Variants in FGF18 observed in about 807,000 individuals in gnomAD.
FGF18 encodes the protein fibroblast growth factor 18.
Under a neutral mutation model 23.0 loss-of-function variants are expected in FGF18, and 5 were observed. The observed-to-expected ratio is 0.22, with a 90% CI of 0.11 to 0.46. The LOEUF (loss-of-function observed/expected upper bound fraction) is 0.46. Among genes scored for constraint, FGF18 ranks in the 20% least tolerant of loss-of-function variants. The pLI is 0.99. For missense variants in FGF18, 180 were observed against 291.6 expected (o/e 0.62, Z 2.79); for synonymous variants, 117 against 118.9 (o/e 0.98, Z 0.10).
chr5:171,449,348 T>G, intron 4 of FGF18, 95 bp downstream of exon 4: 1 of 707,184 alleles, frequency 1.4e-6, no homozygotes, highest in African/African-American at 1.9e-5. Context: ...CAGTCCCAAA[T>G]GGAAAACAGG....
chr5:171,420,935 A>G (rs1279801820), intron 2 of FGF18, among the ~76,000 whole-genome samples: 1 of 152,232 alleles, frequency 6.6e-6, no homozygotes, highest in Non-Finnish European at 1.5e-5. Context: ...ACACACAGAC[A>G]CACACACATG....
chr5:171,451,430 G>A lies in FGF18; in HGVS notation c.357+2177G>A, dbSNP rs1279615860. On this transcript the variant is annotated intron_variant, in intron 4 of 4. Transcript: ENST00000274625. This position sits in a 1 kb window ranked among gnomAD's most constrained non-coding sequence, Gnocchi z 4.5. Reference sequence around the variant, plus strand: ...CTCCTGGGCTGCGGTCCTCTCCACAGCCTCCCTGCCCAGTCGTACCTTAGG... The same window carrying A: ...CTCCTGGGCTGCGGTCCTCTCCACAACCTCCCTGCCCAGTCGTACCTTAGG... Among the ~76,000 whole-genome samples, 1 of 152,178 alleles carries A rather than the reference G, an allele frequency of 6.6e-6. No homozygotes were observed. Among genetic ancestry groups the A allele is most frequent in the Non-Finnish European group, 1.5e-5 (1 of 68,018 alleles).
At chr5:171,421,021 G>T (rs1424240638) in intron 2 of FGF18, among the ~76,000 whole-genome samples, 1 of 152,250 alleles carries the variant, frequency 6.6e-6, no homozygotes, top group Non-Finnish European at 1.5e-5. Flanking sequence ...GATGGGCCGC[G>T]CTCCGCACTC....
At chr5:171,453,730 G>T (rs1348628286) in intron 4 of FGF18, among the ~76,000 whole-genome samples, 1 of 152,152 alleles carries the variant, frequency 6.6e-6, no homozygotes, top group East Asian at 1.9e-4. Context: ...ATCAATAAAT[G>T]GTTAATGACT....
intron 2 of FGF18, among the ~76,000 whole-genome samples, chr5:171,430,559 C>T (rs561609760): frequency 5.3e-5 from 8 of 150,180 alleles, no homozygotes; most frequent in Non-Finnish European, 8.9e-5. Flanking sequence ...GAGGCCGAGG[C>T]GGGTGGATCA....
chr5:171,426,484 G>T (rs1187269175), intron 2 of FGF18, among the ~76,000 whole-genome samples: 63 of 152,254 alleles, frequency 4.1e-4, no homozygotes, highest in Admixed American at 4.1e-3. Context: ...GTGGGCCTGA[G>T]CATGGGGATT....
Position 171,440,226 on chromosome 5 carries a change from G to T in FGF18, c.250+3953G>T, listed in dbSNP as rs1202315006. 2.0e-5 allele frequency among the ~76,000 whole-genome samples: 1 copy of T among 49,512 alleles called. No individual in the cohort carries two copies. The highest frequency in any genetic ancestry group is 1.7e-4 in the Admixed American group (1 of 5,946). 32.5% of individuals were successfully genotyped at this position (49,512 alleles called of 152,430 possible). ...CCTGACCTCCTTACTATGGGTGTGT[G>T]GGGGGGGGTGGTGCCATCGCGGGCT... is the stretch of plus-strand genomic sequence containing the variant. On this transcript the variant is annotated intron_variant, in intron 3 of 4. Coordinates refer to ENST00000274625, the MANE Select transcript of FGF18 (RefSeq NM_003862.3). This position sits in a 1 kb window ranked among gnomAD's most constrained non-coding sequence, Gnocchi z 4.0.
At chr5:171,425,136 G>T (rs1772071365) in intron 2 of FGF18, among the ~76,000 whole-genome samples, 1 of 152,068 alleles carries the variant, frequency 6.6e-6, no homozygotes, top group African/African-American at 2.4e-5. Context: ...TCTAGCAGGA[G>T]ACTTGTGGGT....
At chr5:171,441,734 C>T (rs1561888509) in intron 3 of FGF18, among the ~76,000 whole-genome samples, 1 of 152,204 alleles carries the variant, frequency 6.6e-6, no homozygotes, top group Non-Finnish European at 1.5e-5. Flanking sequence ...GTACACAGGG[C>T]CAACCACGAA....
chr5:171,425,620 T>G (rs1772078815), intron 2 of FGF18, among the ~76,000 whole-genome samples: 1 of 149,688 alleles, frequency 6.7e-6, no homozygotes, highest in South Asian at 2.1e-4. Flanking sequence ...AAGCTCTGCC[T>G]GCCGGGTTCA....
chr5:171,450,311 T>C (rs1001262421), intron 4 of FGF18, among the ~76,000 whole-genome samples: 4 of 152,150 alleles, frequency 2.6e-5, no homozygotes, highest in Non-Finnish European at 5.9e-5. Flanking sequence ...CTGGGGAGGA[T>C]GTAACAGGCC....
At chr5:171,426,675 G>A (rs187209463) in intron 2 of FGF18, among the ~76,000 whole-genome samples, 1 of 152,338 alleles carries the variant, frequency 6.6e-6, no homozygotes, top group Admixed American at 6.5e-5. Flanking sequence ...GAATACCTGG[G>A]TTCCAATCCT....
At chr5:171,441,065 C>T (rs538224825) in intron 3 of FGF18, among the ~76,000 whole-genome samples, 1 of 152,168 alleles carries the variant, frequency 6.6e-6, no homozygotes, top group African/African-American at 2.4e-5. Flanking sequence ...CGGGGGCTGC[C>T]GTCAGTGGCT....
At chr5:171,439,699 C>T (rs1047126056) in intron 3 of FGF18, among the ~76,000 whole-genome samples, 1 of 152,074 alleles carries the variant, frequency 6.6e-6, no homozygotes, top group Non-Finnish European at 1.5e-5. Context: ...AGGTGGATGT[C>T]CCTAAGCCTG....
At chr5:171,424,586 C>T (rs368996240) in intron 2 of FGF18, among the ~76,000 whole-genome samples, 1 of 152,326 alleles carries the variant, frequency 6.6e-6, no homozygotes, top group African/African-American at 2.4e-5. Flanking sequence ...TGAAATTATT[C>T]AGAAGAATAT....
chr5:171,450,981 GC>G (rs1442447623), intron 4 of FGF18, among the ~76,000 whole-genome samples: 2 of 152,014 alleles, frequency 1.3e-5, no homozygotes, highest in African/African-American at 4.8e-5. Context: ...CCGTCTGCGT[GC>G]TGTTCCCGGC....
At chr5:171,443,542 A>G (rs6886141) in intron 3 of FGF18, among the ~76,000 whole-genome samples, 64,765 of 112,302 alleles carry the variant, frequency 0.58, 17,746 homozygotes, top group Middle Eastern at 0.65. Context: ...TAGCAGAGAC[A>G]GGGTTTCACC....
At position 171,431,235 on chromosome 5, in the gene FGF18, C is replaced by T. The variant is rs6873795; in HGVS notation, c.70-4858C>T. 1.1e-3 allele frequency among the ~76,000 whole-genome samples: 171 copies of T among 152,290 alleles called. 1 individual carries two copies. Among genetic ancestry groups the T allele is most frequent in the African/African-American group, 3.9e-3 (163 of 41,536 alleles). The stretch of plus-strand genomic sequence containing the variant: ...CTGGGGGCTCACCTCAACCTCTTTT[C>T]ATCACGTGGAAGGTTCTTACCAAGG... On this transcript the variant is annotated intron_variant, in intron 2 of 4. Coordinates refer to ENST00000274625, the MANE Select transcript of FGF18 (RefSeq NM_003862.3).
intron 2 of FGF18, among the ~76,000 whole-genome samples, chr5:171,429,899 A>G (rs1772151177): frequency 6.6e-6 from 1 of 152,238 alleles, no homozygotes; most frequent in South Asian, 2.1e-4. Flanking sequence ...CTGGAAAAGT[A>G]GAAAGGAGGT....
Sources: gnomAD v4.1 joint callset for allele counts (sites outside exome capture counted in the v4.1 genomes callset) on GRCh38, gnomAD v4.1.1 for gene constraint, Gnocchi (gnomAD v3.1) non-coding constraint, MANE v1.5 for transcripts, NCBI Gene and HGNC (gene_info 2026-07-23, HGNC 2026-07-21) for gene names.